ADGRG6: variants seen among roughly 807,000 people sequenced by gnomAD.
The protein encoded by ADGRG6 is G-protein coupled receptor 126.
Under a neutral mutation model 142.4 loss-of-function variants are expected in ADGRG6, and 84 were observed. The ratio of observed to expected loss-of-function variants is 0.59; its 90% CI spans 0.49 to 0.71. ADGRG6 has a LOEUF of 0.71. Among genes scored for constraint, ADGRG6 ranks in the 30% least tolerant of loss-of-function variants. The pLI is 0.00. For synonymous variants in ADGRG6, 521 were observed against 520.5 expected (o/e 1.00, Z -0.01); for missense variants, 1,367 against 1,466.6 (o/e 0.93, Z 1.11).
At chr6:142,438,693 T>A (rs971045388) in intron 24 of ADGRG6, among the ~76,000 whole-genome samples, 28 of 152,180 alleles carry the variant, frequency 1.8e-4, no homozygotes, top group African/African-American at 6.8e-4. Context: ...AAAATTGAAT[T>A]ACAGATTATT....
chr6:142,426,870 C>T (rs968017596), intron 22 of ADGRG6, among the ~76,000 whole-genome samples: 16 of 152,222 alleles, frequency 1.1e-4, no homozygotes, highest in African/African-American at 3.4e-4. Flanking sequence ...TCTGAAGCAA[C>T]AGCCTGAGCT....
intron 2 of ADGRG6, among the ~76,000 whole-genome samples, chr6:142,355,798 G>T (rs1299650556): frequency 6.6e-6 from 1 of 152,060 alleles, no homozygotes; most frequent in Non-Finnish European, 1.5e-5. Context: ...AAGCTACTCT[G>T]CCATTTTTCT....
intron 22 of ADGRG6, among the ~76,000 whole-genome samples, chr6:142,435,610 C>T (rs925172759): frequency 5.3e-5 from 8 of 152,074 alleles, no homozygotes; most frequent in African/African-American, 1.9e-4. Context: ...CCATTCATTC[C>T]ATCAATAAAC....
At chr6:142,303,755 G>A (rs1391873807) in intron 1 of ADGRG6, among the ~76,000 whole-genome samples, 1 of 151,940 alleles carries the variant, frequency 6.6e-6, no homozygotes, top group East Asian at 1.9e-4. Flanking sequence ...TAAGCATTTA[G>A]ATCTTATGAG....
chr6:142,408,081 T>A, intron 15 of ADGRG6, 69 bp from the exon 16 acceptor site: 7 of 1,201,606 alleles, frequency 5.8e-6, no homozygotes, highest in Non-Finnish European at 8.1e-6. Flanking sequence ...AGTTTGCTTA[T>A]TTTGGAGCAC....
At chr6:142,371,536 T>G (rs892794782) in intron 4 of ADGRG6, among the ~76,000 whole-genome samples, 1 of 145,470 alleles carries the variant, frequency 6.9e-6, no homozygotes, top group Non-Finnish European at 1.5e-5. Flanking sequence ...CAGGCTGGAG[T>G]GCAGTGTCAT....
At chr6:142,363,861 T>C (rs771789924) in intron 2 of ADGRG6, among the ~76,000 whole-genome samples, 7 of 152,180 alleles carry the variant, frequency 4.6e-5, no homozygotes, top group Non-Finnish European at 8.8e-5. Flanking sequence ...TACTCTTTAT[T>C]AAAATGTTTC....
Position 142,353,589 on chromosome 6 carries a change from T to C in ADGRG6, c.104-13980T>C, listed in dbSNP as rs561185065. 3.4e-4 allele frequency among the ~76,000 whole-genome samples: 52 copies of C among 152,380 alleles called. No individual in the cohort carries two copies. In the South Asian group the frequency reaches 6.0e-3, roughly 18 times the overall value. On this transcript the variant is annotated intron_variant, in intron 2 of 24. Transcript: ENST00000367609. ...TTGTATCAAGTAGGTTAGAATTTGA[T>C]GTACTTTTTAAATTAAAATTTCATT...
intron 8 of ADGRG6, 61 bp from the exon 9 acceptor site, chr6:142,393,835 T>A (rs1294959030): frequency 4.8e-6 from 5 of 1,044,514 alleles, no homozygotes; most frequent in Non-Finnish European, 7.3e-6. Flanking sequence ...GTCCCCAAAT[T>A]TTATTGTTGA....
At chr6:142,324,626 G>A (rs1291308085) in intron 2 of ADGRG6, among the ~76,000 whole-genome samples, 1 of 152,076 alleles carries the variant, frequency 6.6e-6, no homozygotes, top group Non-Finnish European at 1.5e-5. Flanking sequence ...TCAGGTATGT[G>A]TGTACCCAGG....
At chr6:142,426,275 G>T (rs1045779632) in intron 22 of ADGRG6, among the ~76,000 whole-genome samples, 1 of 152,146 alleles carries the variant, frequency 6.6e-6, no homozygotes, top group Non-Finnish European at 1.5e-5. Flanking sequence ...TACAATGGGG[G>T]TACAGGCATT....
chr6:142,416,631 A>ATT (rs1374408914), intron 20 of ADGRG6, among the ~76,000 whole-genome samples: 1 of 152,134 alleles, frequency 6.6e-6, no homozygotes, highest in Non-Finnish European at 1.5e-5. Context: ...TGAGCCAGGC[A>ATT]TTTTAGAGCT....
intron 2 of ADGRG6, among the ~76,000 whole-genome samples, chr6:142,319,205 G>T (rs775974482): frequency 1.7e-4 from 26 of 152,100 alleles, no homozygotes; most frequent in Non-Finnish European, 2.9e-4. Flanking sequence ...AGGTGCCCTG[G>T]ATGCCTTCTG....
rs2115229390 is a variant in ADGRG6 at position 142,443,503 on chromosome 6, C to G, written c.3741C>G (p.Ser1247Arg). Residue 1247 changes from serine to arginine, a missense_variant, in exon 25 of 25, where the codon AGC becomes AGG. Physicochemically the swap from Ser to Arg is moderately radical, Grantham distance 110 (BLOSUM62 -1). Coordinates refer to ENST00000367609, the MANE Select transcript of ADGRG6 (RefSeq NM_198569.3). ...NIIMSDTFSH[S>R]TKF ...TCATGTCAGACACCTTCAGCCACAG[C>G]ACAAAGTTTTAATGTCTTTAAGAAA... 6.2e-7 allele frequency: 1 copy of G among 1,607,680 alleles called. No homozygotes were observed. Among genetic ancestry groups the G allele is most frequent in the East Asian group, 2.2e-5 (1 of 44,762 alleles).
At chr6:142,414,436 A>G (rs975945862) in intron 18 of ADGRG6, among the ~76,000 whole-genome samples, 2 of 152,150 alleles carry the variant, frequency 1.3e-5, no homozygotes, top group Admixed American at 1.3e-4. Context: ...ATACATACCA[A>G]GCATTGAAAT....
At chr6:142,317,460 G>C (rs1217330996) in intron 2 of ADGRG6, among the ~76,000 whole-genome samples, 1 of 151,324 alleles carries the variant, frequency 6.6e-6, no homozygotes, top group African/African-American at 2.4e-5. Flanking sequence ...CAAAGAGTTA[G>C]GTATCTTTAA....
At chr6:142,323,579 A>T (rs1172440784) in intron 2 of ADGRG6, among the ~76,000 whole-genome samples, 1 of 152,248 alleles carries the variant, frequency 6.6e-6, no homozygotes, top group African/African-American at 2.4e-5. Flanking sequence ...CGACAAAGGT[A>T]TGTTCTAAGA....
At chr6:142,423,117 C>G (rs1166507072) in intron 22 of ADGRG6, among the ~76,000 whole-genome samples, 3 of 143,808 alleles carry the variant, frequency 2.1e-5, no homozygotes, top group Non-Finnish European at 4.6e-5. Context: ...TTGTAGGTTG[C>G]CTGTTCACTC....
chr6:142,439,133 T>G (rs996286113), intron 24 of ADGRG6, among the ~76,000 whole-genome samples: 2 of 152,094 alleles, frequency 1.3e-5, no homozygotes, highest in African/African-American at 2.4e-5. Flanking sequence ...CTGGGCAACA[T>G]AGCAAGACCC....
Sources: gnomAD v4.1 joint callset for allele counts (sites outside exome capture counted in the v4.1 genomes callset) on GRCh38, gnomAD v4.1.1 for gene constraint, MANE v1.5 for transcripts, NCBI Gene and HGNC (gene_info 2026-07-23, HGNC 2026-07-21) for gene names.